HERC4: variants seen among roughly 807,000 people sequenced by gnomAD.
HERC4 encodes HECT and RLD domain containing E3 ubiquitin protein ligase 4.
HERC4 carries 28 observed loss-of-function variants against 124.3 expected under a neutral mutation model. That is an observed-to-expected ratio of 0.23 (90% confidence interval 0.17 to 0.31). The LOEUF (loss-of-function observed/expected upper bound fraction) is 0.31, where lower values mean the gene tolerates loss of function less well. HERC4 is among the 10% of genes least tolerant of loss of function. The probability of loss-of-function intolerance (pLI) is 1.00; values close to 1 mark genes in which losing one functional copy is unlikely to be tolerated. For synonymous variants in HERC4, 407 were observed against 421.5 expected (o/e 0.97, Z 0.42); for missense variants, 713 against 1,229.3 (o/e 0.58, Z 6.28).
In HERC4 at chr10:67,954,966, G is replaced by T. The variant is rs2034048363; in HGVS notation, c.2190C>A (p.Leu730=). 1 of 1,594,294 alleles carries T rather than the reference G, an allele frequency of 6.3e-7. No homozygotes were observed. Among genetic ancestry groups the T allele is most frequent in the Middle Eastern group, 1.7e-4 (1 of 6,006 alleles). ...KTKNIDYKKP[L]KVIFVGEDAV... is the part of the protein sequence containing the mutation. ...ACCACAGAAAATGTCAAATTACCTT[G>T]AGTGGCTTCTTGTAATCTATGTTCT... The change falls in exon 18 of 25, where the codon CTC becomes CTA. Residue 730 remains leucine (L), a synonymous_variant. Transcript: ENST00000373700.
rs1266490321 is a variant in HERC4, at chr10:68,008,047, G to A, written c.1069+5979C>T. On this transcript the variant is annotated intron_variant, in intron 9 of 24. Transcript: ENST00000373700. Reference sequence around the variant, plus strand: ...CTGTGACTCTTGCCAACTCATAGAGGTACTGCCTTGGTGAACTTGGGTAAG... The same window carrying A: ...CTGTGACTCTTGCCAACTCATAGAGATACTGCCTTGGTGAACTTGGGTAAG... 4.6e-5 allele frequency: 7 copies of A among 152,378 alleles called. No individual in the cohort carries two copies. The East Asian group carries it at 1.2e-3, about 25-fold the overall frequency. 9.4% of individuals were successfully genotyped at this position (152,378 alleles called of 1,614,324 possible).
At chr10:68,025,420 G>T in intron 8 of HERC4, 126 bp downstream of exon 8, 2 of 1,025,258 alleles carry the variant, frequency 2.0e-6, no homozygotes, top group Non-Finnish European at 1.4e-6. Flanking sequence ...CTCCTCAGTG[G>T]CAAAATAGGT....
At chr10:68,015,883 A>G (rs2038232545) in intron 8 of HERC4, among the ~76,000 whole-genome samples, 1 of 152,164 alleles carries the variant, frequency 6.6e-6, no homozygotes, top group South Asian at 2.1e-4. Flanking sequence ...CAGGTGGATC[A>G]CTTGAGGTCA....
chr10:67,946,635 G>A (rs1222039541), intron 19 of HERC4, among the ~76,000 whole-genome samples: 2 of 152,046 alleles, frequency 1.3e-5, no homozygotes, highest in Non-Finnish European at 2.9e-5. Context: ...TAGGCCAGAC[G>A]CAGTGGCTCA....
At chr10:68,066,359 C>T (rs371154758) in intron 3 of HERC4, among the ~76,000 whole-genome samples, 3 of 152,194 alleles carry the variant, frequency 2.0e-5, no homozygotes, top group Admixed American at 6.5e-5. Context: ...CAAGAATCTG[C>T]TAAGTACCCA....
At chr10:67,941,903 A>G (rs1167116089) in intron 19 of HERC4, among the ~76,000 whole-genome samples, 1 of 151,830 alleles carries the variant, frequency 6.6e-6, no homozygotes, top group Non-Finnish European at 1.5e-5. Flanking sequence ...TGATCTGCTC[A>G]CGTCAGCCTC....
intron 9 of HERC4, among the ~76,000 whole-genome samples, chr10:68,006,596 T>TC (rs1212421996): frequency 2.6e-5 from 4 of 152,180 alleles, no homozygotes; most frequent in Admixed American, 6.6e-5. Context: ...CAGGCTAGTC[T>TC]CAAACTCCTG....
At position 68,069,569 on chromosome 10, in the gene HERC4, A is replaced by C. The variant is rs1466535048; in HGVS notation, c.226+3314T>G. The C allele has an allele frequency of 7.1e-6, 7 of 985,338 alleles. No individual in the cohort carries two copies. The African/African-American group carries it at 1.0e-4, about 15-fold the overall frequency. 61.0% of individuals were successfully genotyped at this position (985,338 alleles called of 1,614,324 possible). Reference sequence around the variant, plus strand: ...GGTTAAATCTATTCACTACATTGTCAGGCCAAGTCCTCCAGTAGGTTATTA... The same window carrying C: ...GGTTAAATCTATTCACTACATTGTCCGGCCAAGTCCTCCAGTAGGTTATTA... On this transcript the variant is annotated intron_variant, in intron 3 of 24. Transcript: ENST00000373700.
At chr10:67,971,696 T>G (rs561063224) in intron 15 of HERC4, among the ~76,000 whole-genome samples, 1 of 150,134 alleles carries the variant, frequency 6.7e-6, no homozygotes, top group Non-Finnish European at 1.5e-5. Flanking sequence ...TACTTACTAT[T>G]AAGATATTGA....
chr10:67,938,684 GC>G (rs2032601585), intron 21 of HERC4, among the ~76,000 whole-genome samples: 1 of 152,096 alleles, frequency 6.6e-6, no homozygotes, highest in East Asian at 1.9e-4. Context: ...AGTGGCTCAT[GC>G]CTGTAATGCC....
rs200134764 is a variant in HERC4 at position 67,922,984 on chromosome 10, G to A, written c.3097C>T (p.Arg1033Cys). The A allele has an allele frequency of 1.1e-4, 175 of 1,613,720 alleles. No individual in the cohort carries two copies. The highest frequency in any genetic ancestry group is 1.0e-3 in the African/African-American group (77 of 75,016). The change falls in exon 25 of 25, where the codon CGC becomes TGC. Residue 1033 changes from arginine to cysteine, a missense_variant. By Grantham distance (180) the Arg-to-Cys change is radical. Transcript: ENST00000373700. ...TCAATAGCTTGGATCAGTTTAGAGC[G>A]TAGAGTTTCTTTTTCTGTATATTTT... Reference protein sequence around the residue: ...LPKYTEKETLRSKLIQAIDHN... With the variant: ...LPKYTEKETLCSKLIQAIDHN...
In HERC4 at chr10:68,044,463, A is replaced by T. The variant is rs1236729489; in HGVS notation, c.327T>A (p.Gly109=). ...LNDKGQVYAW[G]LDSDGQLGLV... is the part of the protein sequence containing the mutation. ...GGCCAAGCTGTCCATCAGAATCGAG[A>T]CCCCAAGCATACACCTGGCCTTTGT... The change falls in exon 4 of 25, where the codon GGT becomes GGA. Residue 109 remains glycine (G), a synonymous_variant. Transcript: ENST00000373700. 6.2e-7 allele frequency: 1 copy of T among 1,614,064 alleles called. No individual in the cohort carries two copies. Among genetic ancestry groups the T allele is most frequent in the Non-Finnish European group, 8.5e-7 (1 of 1,180,008 alleles).
intron 4 of HERC4, chr10:68,039,993 C>G: frequency 1.4e-6 from 1 of 732,742 alleles, no homozygotes; most frequent in Non-Finnish European, 1.7e-6. Context: ...TAATATTTGT[C>G]TCCTCTGCTA....
intron 15 of HERC4, among the ~76,000 whole-genome samples, chr10:67,972,537 A>G (rs1589220818): frequency 6.9e-6 from 1 of 144,536 alleles, no homozygotes; most frequent in Admixed American, 6.9e-5. Context: ...AGGAAAAAAA[A>G]AAAAAAAAAA....
At chr10:68,025,865 G>A (rs1267262339) in intron 7 of HERC4, among the ~76,000 whole-genome samples, 189 bp from the exon 8 acceptor site, 1 of 151,998 alleles carries the variant, frequency 6.6e-6, no homozygotes, top group African/African-American at 2.4e-5. Context: ...TCCAGGTAAT[G>A]ATGTTTTCAC....
At chr10:67,936,709 G>T (rs2032395195) in intron 21 of HERC4, among the ~76,000 whole-genome samples, 1 of 152,058 alleles carries the variant, frequency 6.6e-6, no homozygotes, top group Admixed American at 6.6e-5. Context: ...ATAAAGATAG[G>T]CAGTTATTTT....
chr10:67,968,542 T>C (rs976720495), intron 15 of HERC4, among the ~76,000 whole-genome samples: 2 of 151,474 alleles, frequency 1.3e-5, no homozygotes, highest in South Asian at 4.2e-4. Context: ...CTGGCTAATT[T>C]TTTTTTGTAT....
chr10:67,957,494 C>T (rs2034216990), intron 16 of HERC4, among the ~76,000 whole-genome samples: 1 of 152,088 alleles, frequency 6.6e-6, no homozygotes, highest in East Asian at 1.9e-4. Flanking sequence ...TTCTGTTAGC[C>T]TTTAAAGTTA....
rs183638956 is a variant in HERC4 at position 67,930,937 on chromosome 10, C to T, written c.2838+1660G>A. On this transcript the variant is annotated intron_variant, in intron 23 of 24. Coordinates refer to ENST00000373700, the MANE Select transcript of HERC4 (RefSeq NM_015601.4). Reference sequence around the variant, plus strand: ...TCAAGTGATCTGCCTGCCTCAGCCTCCCCAAGTGCTGGGATTACAGGCATG... The same window carrying T: ...TCAAGTGATCTGCCTGCCTCAGCCTTCCCAAGTGCTGGGATTACAGGCATG... Among the ~76,000 whole-genome samples, 72 of 152,256 alleles carry T rather than the reference C, an allele frequency of 4.7e-4. 1 individual carries two copies. In the East Asian group the frequency reaches 0.013, roughly 28 times the overall value.
Sources: gnomAD v4.1 joint callset for allele counts (sites outside exome capture counted in the v4.1 genomes callset) on GRCh38, gnomAD v4.1.1 for gene constraint, MANE v1.5 for transcripts, NCBI Gene and HGNC (gene_info 2026-07-23, HGNC 2026-07-21) for gene names.